KIAA1217: variants seen among roughly 807,000 people sequenced by gnomAD.
KIAA1217 encodes the protein KIAA1217, also known as sickle tail protein homolog.
In KIAA1217, 88 loss-of-function variants were observed where a neutral mutation model predicts 163.9. The ratio of observed to expected loss-of-function variants is 0.54; its 90% CI spans 0.45 to 0.64. KIAA1217 has a LOEUF of 0.64. KIAA1217 is among the 30% of genes least tolerant of loss of function. The pLI is 0.00. For missense variants in KIAA1217, 2,372 were observed against 2,475.0 expected (o/e 0.96, Z 0.88); for synonymous variants, 903 against 923.1 (o/e 0.98, Z 0.39).
In KIAA1217 at chr10:24,381,535, G is replaced by A. The variant is rs527440072; in HGVS notation, c.553+468G>A. Among the ~76,000 whole-genome samples, 4 of 152,334 alleles carry A rather than the reference G, an allele frequency of 2.6e-5. No homozygotes were observed. The South Asian group carries it at 6.2e-4, about 24-fold the overall frequency. On this transcript the variant is annotated intron_variant, in intron 3 of 20. Coordinates refer to ENST00000376454, the MANE Select transcript of KIAA1217 (RefSeq NM_019590.5). ...CTGAACCCTATTATGAACTGCATGA[G>A]TGAGGGATCTAGGTTGCATGCTCCT... is the stretch of plus-strand genomic sequence containing the variant.
intron 5 of KIAA1217, among the ~76,000 whole-genome samples, chr10:24,443,360 G>A (rs1381353870): frequency 6.6e-6 from 1 of 152,132 alleles, no homozygotes; most frequent in African/African-American, 2.4e-5. Context: ...CCCAGGCACC[G>A]TGGCTGCTGA....
At chr10:24,339,030 A>G (rs11818822) in intron 2 of KIAA1217, among the ~76,000 whole-genome samples, 4 of 152,212 alleles carry the variant, frequency 2.6e-5, no homozygotes, top group Admixed American at 2.6e-4. Flanking sequence ...CTGATCTGTA[A>G]AACTGAAGAT....
At chr10:24,001,618 G>A (rs1105010) in intron 1 of KIAA1217, among the ~76,000 whole-genome samples, 33,377 of 152,146 alleles carry the variant, frequency 0.22, 4,428 homozygotes, top group East Asian at 0.37. Context: ...TTTTATAGAT[G>A]AGGAAACAGT....
chr10:24,251,425 A>AG (rs1390440937), intron 2 of KIAA1217, among the ~76,000 whole-genome samples: 9 of 147,914 alleles, frequency 6.1e-5, no homozygotes, highest in Non-Finnish European at 1.0e-4. Context: ...AAAAAAAACA[A>AG]GAAAAAAAAA....
intron 2 of KIAA1217, among the ~76,000 whole-genome samples, chr10:24,057,877 C>T (rs2060583650): frequency 6.6e-6 from 1 of 152,142 alleles, no homozygotes; most frequent in African/African-American, 2.4e-5. Flanking sequence ...TAATAGCCTC[C>T]TTTGCTGTGC....
chr10:23,872,899 A>T (rs1490774766), intron 1 of KIAA1217, among the ~76,000 whole-genome samples: 1 of 152,086 alleles, frequency 6.6e-6, no homozygotes, highest in Non-Finnish European at 1.5e-5. Context: ...GAAGCATGTA[A>T]CATTGGCAGC....
chr10:23,901,410 C>T (rs1841948722), intron 1 of KIAA1217, among the ~76,000 whole-genome samples: 1 of 151,970 alleles, frequency 6.6e-6, no homozygotes, highest in South Asian at 2.1e-4. Flanking sequence ...AGACATTGTT[C>T]CTCAGAAAAT....
chr10:24,471,466 G>C (rs929609634), intron 5 of KIAA1217, among the ~76,000 whole-genome samples: 1 of 148,616 alleles, frequency 6.7e-6, no homozygotes, highest in African/African-American at 2.5e-5. Context: ...ATCATATCCT[G>C]AGTTATTTTT....
At chr10:24,336,587 G>A (rs578259557) in intron 2 of KIAA1217, among the ~76,000 whole-genome samples, 1 of 152,226 alleles carries the variant, frequency 6.6e-6, no homozygotes, top group South Asian at 2.1e-4. Context: ...TCAGCATTGT[G>A]TCTGTGTTTA....
At chr10:23,908,110 G>A (rs574835778) in intron 1 of KIAA1217, among the ~76,000 whole-genome samples, 11 of 152,186 alleles carry the variant, frequency 7.2e-5, no homozygotes, top group African/African-American at 2.6e-4. Flanking sequence ...GAGGAAAGAG[G>A]CAAGGTGAAG....
Position 23,743,124 on chromosome 10 carries a change from AT to A in KIAA1217, c.-321+47894del, listed in dbSNP as rs1235375906. Reference sequence around the variant, plus strand: ...GATTGCTGGGAATTTCTGCAAGATGATTTTGGCATCATCTTTATGGTACGTT... The same window carrying A: ...GATTGCTGGGAATTTCTGCAAGATGATTTGGCATCATCTTTATGGTACGTT... On this transcript the variant is annotated intron_variant, in intron 1 of 18. Transcript: ENST00000376462. Among the ~76,000 whole-genome samples, 5 of 152,032 alleles carry A rather than the reference AT, an allele frequency of 3.3e-5. No homozygotes were observed. The East Asian group carries it at 7.7e-4, about 23-fold the overall frequency.
At chr10:24,015,877 G>A (rs185633153) in intron 2 of KIAA1217, among the ~76,000 whole-genome samples, 1 of 152,112 alleles carries the variant, frequency 6.6e-6, no homozygotes, top group African/African-American at 2.4e-5. Flanking sequence ...AAAGTGTACT[G>A]GGATGTGCCC....
At chr10:24,171,639 T>C (rs1295138465) in intron 2 of KIAA1217, among the ~76,000 whole-genome samples, 1 of 152,086 alleles carries the variant, frequency 6.6e-6, no homozygotes, top group Non-Finnish European at 1.5e-5. Context: ...ACCCCGTCTC[T>C]ACTAAAAACA....
chr10:23,916,926 C>G (rs187683032), intron 1 of KIAA1217, among the ~76,000 whole-genome samples: 1 of 140,330 alleles, frequency 7.1e-6, no homozygotes, highest in Non-Finnish European at 1.5e-5. Context: ...GAGCTGAGAT[C>G]GTGCCATTGC....
At chr10:24,009,954 C>T (rs1420705159) in intron 2 of KIAA1217, among the ~76,000 whole-genome samples, 1 of 152,016 alleles carries the variant, frequency 6.6e-6, no homozygotes, top group African/African-American at 2.4e-5. Flanking sequence ...CATAGGCAGT[C>T]AGAATTAATT....
At position 24,194,452 on chromosome 10, in the gene KIAA1217, A is replaced by AC. The variant is rs2066888469; in HGVS notation, c.-170-25173dup. ...TCCTCCCACCTTAGCCTCCTAAGTC[A>AC]CTGGGACTACGGACACTTGCCACTC... On this transcript the variant is annotated intron_variant, in intron 2 of 18. Coordinates refer to the KIAA1217 transcript ENST00000376462. Among the ~76,000 whole-genome samples, 3 of 148,196 alleles carry AC rather than the reference A, an allele frequency of 2.0e-5. No homozygotes were observed. In the Admixed American group the frequency reaches 2.0e-4, roughly 10 times the overall value.
At chr10:24,530,139 A>G (rs2072903031) in intron 14 of KIAA1217, among the ~76,000 whole-genome samples, 1 of 152,018 alleles carries the variant, frequency 6.6e-6, no homozygotes, top group Non-Finnish European at 1.5e-5. Flanking sequence ...CTGCCCCATT[A>G]TTAATTTTGT....
At chr10:24,274,446 A>C (rs1216005058) in intron 2 of KIAA1217, among the ~76,000 whole-genome samples, 1 of 152,028 alleles carries the variant, frequency 6.6e-6, no homozygotes, top group Non-Finnish European at 1.5e-5. Context: ...TCAAGTTCTC[A>C]CATCTGCAAA....
chr10:24,141,383 C>G (rs1038292152), intron 2 of KIAA1217, among the ~76,000 whole-genome samples: 1 of 152,120 alleles, frequency 6.6e-6, no homozygotes, highest in African/African-American at 2.4e-5. Context: ...TTTCCTACCA[C>G]TTGGACCCAG....
Sources: allele counts gnomAD v4.1 joint callset (sites outside exome capture counted in the v4.1 genomes callset), GRCh38; gene constraint gnomAD v4.1.1; transcripts MANE v1.5; gene names NCBI Gene and HGNC (gene_info 2026-07-23, HGNC 2026-07-21).